Variants in CDC73 observed in about 807,000 individuals in gnomAD.
The protein encoded by CDC73 is cell division cycle 73.
CDC73 carries 21 observed loss-of-function variants against 83.7 expected under a neutral mutation model. The observed-to-expected ratio is 0.25, with a 90% CI of 0.18 to 0.36. The LOEUF (loss-of-function observed/expected upper bound fraction) is 0.36, where lower values mean the gene tolerates loss of function less well. CDC73 is among the 10% of genes least tolerant of loss of function. The probability of loss-of-function intolerance (pLI) is 1.00; values close to 1 mark genes in which losing one functional copy is unlikely to be tolerated. For synonymous variants in CDC73, 224 were observed against 212.9 expected (o/e 1.05, Z -0.45); for missense variants, 342 against 653.3 (o/e 0.52, Z 5.19).
chr1:193,233,453 A>G (rs1431488399), intron 14 of CDC73, among the ~76,000 whole-genome samples: 1 of 152,250 alleles, frequency 6.6e-6, no homozygotes, highest in African/African-American at 2.4e-5. Context: ...TGGGTTCTAA[A>G]TAGAAACTGT....
chr1:193,129,432 A>G (rs1321871287), intron 2 of CDC73, among the ~76,000 whole-genome samples: 1 of 151,896 alleles, frequency 6.6e-6, no homozygotes, highest in Non-Finnish European at 1.5e-5. Context: ...GTGCCTGGTC[A>G]TTGCTTTATT....
At chr1:193,224,315 GTTTACTCAA>G (rs1049314453) in intron 13 of CDC73, among the ~76,000 whole-genome samples, 2 of 149,822 alleles carry the variant, frequency 1.3e-5, no homozygotes, top group Non-Finnish European at 3.0e-5. Context: ...ATTTGTTAGT[GTTTACTCAA>G]TGCCATTGTT....
At chr1:193,203,951 C>T in intron 11 of CDC73, 99 bp downstream of exon 11, 1 of 945,020 alleles carries the variant, frequency 1.1e-6, no homozygotes, top group Non-Finnish European at 1.7e-6. Context: ...TTAAATTTTA[C>T]TTAAAATACA....
At chr1:193,181,022 G>T (rs1180023206) in intron 10 of CDC73, 1 of 1,613,584 alleles carries the variant, frequency 6.2e-7, no homozygotes, top group African/African-American at 1.3e-5. Flanking sequence ...TGAATACCAG[G>T]TGCTAGACTT....
At chr1:193,179,457 A>T (rs758900496) in intron 10 of CDC73, 9 of 152,648 alleles carry the variant, frequency 5.9e-5, no homozygotes, top group African/African-American at 9.6e-5. Context: ...TCGAAGTTAG[A>T]TATACATGAA....
In CDC73 at chr1:193,204,288, T is replaced by TATA. The variant is rs553498877; in HGVS notation, c.1030+436_1030+437insATA. Among the ~76,000 whole-genome samples, 573 of 124,778 alleles carry TATA rather than the reference T, an allele frequency of 4.6e-3. 5 individuals carry two copies. The highest frequency in any genetic ancestry group is 0.017 in the African/African-American group (552 of 32,920). The allele number at this position is 124,778 out of a possible 152,430, so 81.9% of individuals were successfully genotyped here. ...GTGTGTGTGTGTGTGTATATATATA[T>TATA]TTTTTTTTTTTCTTTTTTTGAGACA... On this transcript the variant is annotated intron_variant, in intron 11 of 16. Coordinates refer to ENST00000367435, the MANE Select transcript of CDC73 (RefSeq NM_024529.5).
chr1:193,140,409 GA>G (rs1363282041), intron 6 of CDC73, among the ~76,000 whole-genome samples: 2 of 152,154 alleles, frequency 1.3e-5, no homozygotes, highest in Non-Finnish European at 2.9e-5. Context: ...ACCCTCTGGG[GA>G]TATGTTCCAA....
In CDC73 at chr1:193,177,387, G is replaced by T. The variant is rs561562108; in HGVS notation, c.972+24943G>T. On this transcript the variant is annotated intron_variant, in intron 10 of 16. Coordinates refer to ENST00000367435, the MANE Select transcript of CDC73 (RefSeq NM_024529.5). ...AAAAAAAAAAAAAAAAAAATCAGCC[G>T]GGCGCGGTGGCAGGCACCTGTAGTC... Among the ~76,000 whole-genome samples the T allele has an allele frequency of 4.8e-5, 6 of 124,476 alleles. No homozygotes were observed. The East Asian group carries it at 1.2e-3, about 24-fold the overall frequency. 81.7% of individuals were successfully genotyped at this position (124,476 alleles called of 152,430 possible). A position where few individuals can be genotyped will look rare whatever the true frequency, so the allele number is the denominator to read the frequency against.
Position 193,212,386 on chromosome 1 carries a change from A to G in CDC73, c.1067-4A>G, listed in dbSNP as rs749519719. The G allele has an allele frequency of 2.5e-6, 4 of 1,572,754 alleles. No individual in the cohort carries two copies. The highest frequency in any genetic ancestry group is 1.7e-5 in the Admixed American group (1 of 58,066). ...TTTTCTACCTGTAAATTTTGTCTTTATAGGATCTCGAACACCCATTATCAT... is the reference window on the plus strand; with the variant it reads ...TTTTCTACCTGTAAATTTTGTCTTTGTAGGATCTCGAACACCCATTATCAT... On this transcript the variant is annotated splice_region_variant and splice_polypyrimidine_tract_variant and intron_variant, in intron 12 of 16. Transcript: ENST00000367435.
At chr1:193,234,695 G>C (rs1343161597) in intron 14 of CDC73, among the ~76,000 whole-genome samples, 2 of 152,078 alleles carry the variant, frequency 1.3e-5, no homozygotes, top group African/African-American at 2.4e-5. Context: ...ATGAGACCCA[G>C]TAGAATATAA....
In CDC73 at chr1:193,203,889, AAAGATCG is replaced by A. The variant is rs1461231690; in HGVS notation, c.1030+38_1030+44del. 3 of 1,577,976 alleles carry A rather than the reference AAAGATCG, an allele frequency of 1.9e-6. No homozygotes were observed. The Admixed American group carries it at 5.0e-5, about 26-fold the overall frequency. ...GAACTTTGCTTTTTGTTTTCTTTCA[AAAGATCG>A]TAACAGTGCAAGTTTTTAGTATGCG... is the stretch of plus-strand genomic sequence containing the variant. On this transcript the variant is annotated intron_variant, in intron 11 of 16. Coordinates refer to ENST00000367435, the MANE Select transcript of CDC73 (RefSeq NM_024529.5).
intron 10 of CDC73, among the ~76,000 whole-genome samples, chr1:193,197,972 G>T: frequency 6.7e-6 from 1 of 149,536 alleles, no homozygotes. Flanking sequence ...AATGAATGTT[G>T]TTTAATTCTC....
chr1:193,180,485 T>G, intron 10 of CDC73: 1 of 1,613,988 alleles, frequency 6.2e-7, no homozygotes, highest in Non-Finnish European at 8.5e-7. Context: ...ACAAACTCAT[T>G]GGGAGGGGGT....
At chr1:193,176,467 A>G (rs752347612) in intron 10 of CDC73, among the ~76,000 whole-genome samples, 11 of 152,242 alleles carry the variant, frequency 7.2e-5, no homozygotes, top group Non-Finnish European at 1.3e-4. Context: ...CATAGCAGAC[A>G]GAGGACATTG....
In CDC73 at chr1:193,125,339, G is replaced by A. The variant is rs1037559484; in HGVS notation, c.237+122G>A. The A allele has an allele frequency of 4.3e-6, 3 of 702,532 alleles. No individual in the cohort carries two copies. The African/African-American group carries it at 5.3e-5, about 12-fold the overall frequency. 43.5% of individuals were successfully genotyped at this position (702,532 alleles called of 1,614,324 possible). ...AGTGGTGTGATCATAGCTCATTGCA[G>A]CCTCGAACTCCTAGGCTCAAGTGAT... On this transcript the variant is annotated intron_variant, in intron 2 of 16. Transcript: ENST00000367435.
intron 13 of CDC73, among the ~76,000 whole-genome samples, chr1:193,224,468 A>ATT: frequency 6.6e-6 from 1 of 151,828 alleles, no homozygotes; most frequent in South Asian, 2.1e-4. Flanking sequence ...TGCACATACG[A>ATT]AATTTATGCA....
intron 10 of CDC73, among the ~76,000 whole-genome samples, chr1:193,163,222 C>T (rs1676373922): frequency 1.3e-5 from 2 of 150,782 alleles, no homozygotes; most frequent in South Asian, 4.2e-4. Context: ...GAAAAGTTAA[C>T]AGGCTGGGCG....
chr1:193,154,440 C>T (rs1048922633), intron 10 of CDC73, among the ~76,000 whole-genome samples: 5 of 152,138 alleles, frequency 3.3e-5, no homozygotes, highest in Admixed American at 6.5e-5. Flanking sequence ...TGTGATTCTG[C>T]GGCATCATCA....
intron 1 of CDC73, among the ~76,000 whole-genome samples, chr1:193,123,200 A>G (rs1675496750): frequency 6.6e-6 from 1 of 152,106 alleles, no homozygotes. Context: ...TCGATGAAAA[A>G]CTAGGGAAAT....
Sources: allele counts gnomAD v4.1 joint callset (sites outside exome capture counted in the v4.1 genomes callset), GRCh38; gene constraint gnomAD v4.1.1; transcripts MANE v1.5; gene names NCBI Gene and HGNC (gene_info 2026-07-23, HGNC 2026-07-21).